The following ROBO1 variants were observed in gnomAD, a reference collection of about 807,000 sequenced individuals.
ROBO1 encodes roundabout guidance receptor 1.
Under a neutral mutation model 195.9 loss-of-function variants are expected in ROBO1, and 149 were observed. The ratio of observed to expected loss-of-function variants is 0.76; its 90% CI spans 0.67 to 0.87. The LOEUF (loss-of-function observed/expected upper bound fraction) is 0.87, where lower values mean the gene tolerates loss of function less well. Ranked by LOEUF, ROBO1 falls within the 40% of genes least tolerant of loss-of-function variation. The probability of loss-of-function intolerance (pLI) is 0.00; values close to 1 mark genes in which losing one functional copy is unlikely to be tolerated. For missense variants in ROBO1, 1,933 were observed against 2,068.3 expected, an observed-to-expected ratio of 0.93 and a Z score of 1.27; for synonymous variants, 816 against 733.2, an observed-to-expected ratio of 1.11 and a Z score of -1.82.
At chr3:79,467,473 A>T (rs1331739632) in intron 2 of ROBO1, among the ~76,000 whole-genome samples, 1 of 151,448 alleles carries the variant, frequency 6.6e-6, no homozygotes, top group African/African-American at 2.4e-5. Flanking sequence ...GCAGACAAGC[A>T]GAAGAGCAAA....
At chr3:79,276,968 T>TA (rs1236459707) in intron 2 of ROBO1, among the ~76,000 whole-genome samples, 1 of 151,870 alleles carries the variant, frequency 6.6e-6, no homozygotes, top group Non-Finnish European at 1.5e-5. Context: ...TAGACAATAA[T>TA]AAATGTTGCC....
At chr3:79,250,051 G>A (rs2082692407) in intron 2 of ROBO1, among the ~76,000 whole-genome samples, 1 of 152,162 alleles carries the variant, frequency 6.6e-6, no homozygotes, top group African/African-American at 2.4e-5. Flanking sequence ...AGAGTCGTTG[G>A]AGTCTTTGAA....
chr3:79,694,557 G>A (rs929759776), intron 1 of ROBO1, among the ~76,000 whole-genome samples: 1 of 151,656 alleles, frequency 6.6e-6, no homozygotes, highest in Admixed American at 6.6e-5. Context: ...TCACCATCAA[G>A]TTAAAATTAA....
chr3:79,139,994 G>T (rs1038823198), intron 2 of ROBO1, among the ~76,000 whole-genome samples: 1 of 152,084 alleles, frequency 6.6e-6, no homozygotes, highest in Non-Finnish European at 1.5e-5. Flanking sequence ...ATACCTAAAT[G>T]AACGGAGTAC....
intron 9 of ROBO1, among the ~76,000 whole-genome samples, chr3:78,686,359 A>G (rs1210225346): frequency 6.6e-6 from 1 of 151,986 alleles, no homozygotes; most frequent in Non-Finnish European, 1.5e-5. Context: ...GATCGAGACC[A>G]TCCTGGCTAA....
chr3:78,929,222 T>A (rs1170175808), intron 4 of ROBO1, among the ~76,000 whole-genome samples: 1 of 152,170 alleles, frequency 6.6e-6, no homozygotes, highest in Non-Finnish European at 1.5e-5. Context: ...CAATTTTCAC[T>A]TTAGAGACTA....
chr3:79,725,223 C>CTTTTTT (rs35418345), intron 1 of ROBO1, among the ~76,000 whole-genome samples: 73 of 106,496 alleles, frequency 6.9e-4, no homozygotes, highest in East Asian at 2.3e-3. Context: ...CTCTCTTCTT[C>CTTTTTT]TTTTTTTTTT....
intron 3 of ROBO1, among the ~76,000 whole-genome samples, chr3:79,080,571 A>G (rs534312621): frequency 1.3e-5 from 2 of 152,242 alleles, no homozygotes; most frequent in African/African-American, 4.8e-5. Context: ...AAGCATAAAA[A>G]TGCATAAAAA....
At chr3:78,657,008 A>T (rs1356804666) in intron 18 of ROBO1, 90 bp downstream of exon 18, 5 of 1,237,140 alleles carry the variant, frequency 4.0e-6, no homozygotes, top group Non-Finnish European at 5.5e-6. Context: ...TAAATTAGCA[A>T]TGGTGGGTGG....
intron 4 of ROBO1, among the ~76,000 whole-genome samples, chr3:78,818,999 T>TATA (rs1293083183): frequency 6.6e-6 from 1 of 152,192 alleles, no homozygotes; most frequent in Non-Finnish European, 1.5e-5. Flanking sequence ...TGAAGGTGTA[T>TATA]ATACAGGAAA....
intron 2 of ROBO1, among the ~76,000 whole-genome samples, chr3:79,462,339 G>A (rs1937687762): frequency 6.6e-6 from 1 of 152,144 alleles, no homozygotes. Context: ...GAACTACGCT[G>A]GATGATAACT....
Position 78,717,476 on chromosome 3 carries a change from AG to A in ROBO1, c.779-64del. 5 of 1,395,970 alleles carry A rather than the reference AG, an allele frequency of 3.6e-6. No individual in the cohort carries two copies. In the East Asian group the frequency reaches 1.1e-4, roughly 32 times the overall value. 86.5% of individuals were successfully genotyped at this position (1,395,970 alleles called of 1,614,324 possible). On this transcript the variant is annotated intron_variant, in intron 6 of 30. Coordinates refer to ENST00000464233, the MANE Select transcript of ROBO1 (RefSeq NM_002941.4). The stretch of plus-strand genomic sequence containing the variant: ...AAATGAACCAGCTGAAAAACACTTT[AG>A]GAGTTCAGTAAGAGCATATTTTTAA...
At position 79,397,517 on chromosome 3, in the gene ROBO1, T is replaced by C. The variant is rs564251089; in HGVS notation, c.88+192307A>G. Among the ~76,000 whole-genome samples, 376 of 152,290 alleles carry C rather than the reference T, an allele frequency of 2.5e-3. 3 individuals carry two copies. Among genetic ancestry groups the C allele is most frequent in the African/African-American group, 8.8e-3 (366 of 41,578 alleles). On this transcript the variant is annotated intron_variant, in intron 2 of 30. Transcript: ENST00000464233. ...ACGAAGGACAGCTTTAGTTCAGTGA[T>C]GAGACACAATCTATTAGACAAAAGA...
At chr3:79,658,834 T>C (rs1028139102) in intron 1 of ROBO1, among the ~76,000 whole-genome samples, 1 of 151,690 alleles carries the variant, frequency 6.6e-6, no homozygotes, top group African/African-American at 2.4e-5. Context: ...AATGGTACAA[T>C]CCTGGCTCAC....
At chr3:79,273,838 A>G (rs1229270386) in intron 2 of ROBO1, among the ~76,000 whole-genome samples, 1 of 152,034 alleles carries the variant, frequency 6.6e-6, no homozygotes, top group Non-Finnish European at 1.5e-5. Flanking sequence ...GAATAGCTAT[A>G]CTTGTATCAG....
intron 2 of ROBO1, among the ~76,000 whole-genome samples, chr3:79,383,994 T>C (rs768593447): frequency 6.6e-6 from 1 of 152,070 alleles, no homozygotes; most frequent in Non-Finnish European, 1.5e-5. Context: ...TATTGGTTAA[T>C]TTAGAGATAA....
At chr3:79,310,776 T>TA (rs144150351) in intron 2 of ROBO1, among the ~76,000 whole-genome samples, 15,143 of 152,112 alleles carry the variant, frequency 0.1, 824 homozygotes, top group Middle Eastern at 0.14. Flanking sequence ...GTTTTTAAAA[T>TA]AAAAAAATTA....
At chr3:78,646,311 G>T (rs565934364) in intron 20 of ROBO1, 121 bp from the exon 21 acceptor site, 2 of 756,196 alleles carry the variant, frequency 2.6e-6, no homozygotes, top group Non-Finnish European at 4.3e-6. Context: ...CAGAAGCATT[G>T]CAAAAATCAC....
intron 3 of ROBO1, among the ~76,000 whole-genome samples, chr3:79,000,415 T>C (rs2077473838): frequency 6.6e-6 from 1 of 152,096 alleles, no homozygotes; most frequent in Non-Finnish European, 1.5e-5. Flanking sequence ...GCAGAAGCTC[T>C]TTAATTAGAT....
Sources: allele counts gnomAD v4.1 joint callset (sites outside exome capture counted in the v4.1 genomes callset), GRCh38; gene constraint gnomAD v4.1.1; transcripts MANE v1.5; gene names NCBI Gene and HGNC (gene_info 2026-07-23, HGNC 2026-07-21).